TENM3: variants seen among roughly 807,000 people sequenced by gnomAD.
The protein encoded by TENM3 is teneurin-3.
Under a neutral mutation model 255.1 loss-of-function variants are expected in TENM3, and 63 were observed. That is an observed-to-expected ratio of 0.25 (90% confidence interval 0.20 to 0.30). TENM3 has a LOEUF of 0.30. Ranked by LOEUF, TENM3 falls within the 10% of genes least tolerant of loss-of-function variation. The pLI, the probability that TENM3 is intolerant of heterozygous loss-of-function variation, is 1.00. For missense variants in TENM3, 2,929 were observed against 3,461.1 expected (o/e 0.85, Z 3.86); for synonymous variants, 1,306 against 1,322.3 (o/e 0.99, Z 0.27).
intron 3 of TENM3, among the ~76,000 whole-genome samples, chr4:182,539,728 A>G (rs1740674635): frequency 6.6e-6 from 1 of 152,236 alleles, no homozygotes; most frequent in Admixed American, 6.5e-5. Flanking sequence ...AACACTTTCT[A>G]TGTGTCATGC....
chr4:182,198,368 C>A (rs1349178105), intron 1 of TENM3, among the ~76,000 whole-genome samples: 1 of 152,128 alleles, frequency 6.6e-6, no homozygotes, highest in Non-Finnish European at 1.5e-5. Context: ...AGGGCAGGGA[C>A]CTTTTGATTG....
At chr4:181,796,412 G>A in the TENM3 span, among the ~76,000 whole-genome samples, 1 of 152,184 alleles carries the variant, frequency 6.6e-6, no homozygotes, top group Admixed American at 6.5e-5. Context: ...CTTTCAGCTG[G>A]GAGTTCAGCA....
At chr4:182,066,594 AAAAAAATAT>A in the TENM3 span, among the ~76,000 whole-genome samples, 2,933 of 26,254 alleles carry the variant, frequency 0.11, 91 homozygotes, top group African/African-American at 0.16. Context: ...TTATGGTAAA[AAAAAAATAT>A]ATATATATAT....
At chr4:182,013,980 GTATATACGTATATACACATATATACGTA>G in the TENM3 span, among the ~76,000 whole-genome samples, 1 of 107,106 alleles carries the variant, frequency 9.3e-6, no homozygotes, top group Admixed American at 1.0e-4. Flanking sequence ...ATATATACGT[GTATATACGTATATACACATATATACGTA>G]TATATACGTG....
chr4:182,121,773 G>C, the TENM3 span, among the ~76,000 whole-genome samples: 2 of 152,156 alleles, frequency 1.3e-5, no homozygotes, highest in Non-Finnish European at 2.9e-5. Flanking sequence ...AGGGTGGTAG[G>C]TGCAGAAGGT....
intron 5 of TENM3, among the ~76,000 whole-genome samples, chr4:182,638,865 G>A (rs1752065797): frequency 6.6e-6 from 1 of 152,194 alleles, no homozygotes; most frequent in Non-Finnish European, 1.5e-5. Flanking sequence ...CCCTGAAGGA[G>A]AGGAAACCTG....
chr4:182,614,113 A>G (rs971522417), intron 4 of TENM3, among the ~76,000 whole-genome samples: 2 of 152,202 alleles, frequency 1.3e-5, no homozygotes, highest in Non-Finnish European at 2.9e-5. Flanking sequence ...CAAAGTACAT[A>G]GTTTACATTG....
the TENM3 span, among the ~76,000 whole-genome samples, chr4:181,631,973 G>A: frequency 6.6e-6 from 1 of 152,146 alleles, no homozygotes; most frequent in African/African-American, 2.4e-5. Flanking sequence ...CACAAAAAAT[G>A]CCATGAGTTT....
the TENM3 span, among the ~76,000 whole-genome samples, chr4:181,914,981 G>A: frequency 5.9e-5 from 9 of 152,216 alleles, no homozygotes; most frequent in Middle Eastern, 3.4e-3. Context: ...CAAATTGAAG[G>A]GTTTTAGAAT....
the TENM3 span, among the ~76,000 whole-genome samples, chr4:181,968,517 T>C: frequency 6.6e-6 from 1 of 152,290 alleles, no homozygotes; most frequent in Admixed American, 6.5e-5. Context: ...TCTTCTTTGG[T>C]TTGCTTCCAG....
At chr4:181,519,234 A>G in the TENM3 span, among the ~76,000 whole-genome samples, 1 of 152,220 alleles carries the variant, frequency 6.6e-6, no homozygotes, top group African/African-American at 2.4e-5. Flanking sequence ...GCAAAAAAAT[A>G]AAAGAAAAAC....
At chr4:182,526,823 G>A (rs936485883) in intron 3 of TENM3, among the ~76,000 whole-genome samples, 6 of 152,174 alleles carry the variant, frequency 3.9e-5, no homozygotes, top group South Asian at 2.1e-4. Flanking sequence ...CCGTTCTCAT[G>A]CTGGCTTGTT....
chr4:181,618,023 A>G, the TENM3 span, among the ~76,000 whole-genome samples: 2 of 152,204 alleles, frequency 1.3e-5, no homozygotes, highest in African/African-American at 4.8e-5. Flanking sequence ...CACCCTACCT[A>G]CATATACATA....
the TENM3 span, among the ~76,000 whole-genome samples, chr4:181,766,558 G>A: frequency 2.0e-5 from 3 of 152,256 alleles, no homozygotes; most frequent in South Asian, 2.1e-4. Flanking sequence ...CAGGCTCCAA[G>A]ATCTATTTCT....
chr4:182,026,523 A>G, the TENM3 span, among the ~76,000 whole-genome samples: 1 of 152,184 alleles, frequency 6.6e-6, no homozygotes, highest in African/African-American at 2.4e-5. Context: ...GTATTACCCA[A>G]GAAATATTTG....
At chr4:182,244,606 A>G (rs919477404) in intron 1 of TENM3, among the ~76,000 whole-genome samples, 1 of 152,318 alleles carries the variant, frequency 6.6e-6, no homozygotes. Flanking sequence ...CAAGAGGAGA[A>G]TATGAAGAGG....
At position 182,688,257 on chromosome 4, in the gene TENM3, G is replaced by A. The variant is rs2152574978; in HGVS notation, c.2127G>A (p.Gln709=). The change falls in exon 12 of 28, where the codon CAG becomes CAA. Residue 709 remains glutamine (Q), a synonymous_variant. Transcript: ENST00000511685. ...GCTGGACGGGCCCAGCCTGTAATCA[G>A]AGAGCCTGCCACCCCCGCTGTGCCG... ...EEGWTGPACN[Q]RACHPRCAEH... is the part of the protein sequence containing the mutation. The A allele has an allele frequency of 6.2e-7, 1 of 1,613,958 alleles. No homozygotes were observed. Among genetic ancestry groups the A allele is most frequent in the Non-Finnish European group, 8.5e-7 (1 of 1,179,870 alleles).
intron 1 of TENM3, among the ~76,000 whole-genome samples, chr4:182,172,530 A>G (rs1303859881): frequency 6.6e-6 from 1 of 152,208 alleles, no homozygotes; most frequent in African/African-American, 2.4e-5. Context: ...CCAAATGCAC[A>G]AGATACTATT....
At chr4:182,719,088 G>A (rs1047714824) in intron 13 of TENM3, among the ~76,000 whole-genome samples, 5 of 152,204 alleles carry the variant, frequency 3.3e-5, no homozygotes, top group African/African-American at 1.2e-4. Context: ...GTGGGCACCT[G>A]AGACATGAGA....
Sources: allele counts gnomAD v4.1 joint callset (sites outside exome capture counted in the v4.1 genomes callset), GRCh38; gene constraint gnomAD v4.1.1; transcripts MANE v1.5; gene names NCBI Gene and HGNC (gene_info 2026-07-23, HGNC 2026-07-21).